WDPCP: variants seen among roughly 807,000 people sequenced by gnomAD.
WDPCP encodes WD repeat-containing and planar cell polarity effector protein fritz homolog.
In WDPCP, 71 loss-of-function variants were observed where a neutral mutation model predicts 93.1. That is an observed-to-expected ratio of 0.76 (90% CI 0.63 to 0.93). The LOEUF (loss-of-function observed/expected upper bound fraction) is 0.93. Ranked by LOEUF, WDPCP falls within the 40% of genes least tolerant of loss-of-function variation. The pLI, the probability that WDPCP is intolerant of heterozygous loss-of-function variation, is 0.00. For synonymous variants in WDPCP, 315 were observed against 315.0 expected, an observed-to-expected ratio of 1.00 and a Z score of 0.00; for missense variants, 844 against 887.4, an observed-to-expected ratio of 0.95 and a Z score of 0.62.
intron 6 of WDPCP, among the ~76,000 whole-genome samples, chr2:63,483,969 G>A (rs944445972): frequency 6.6e-6 from 1 of 151,874 alleles, no homozygotes; most frequent in African/African-American, 2.4e-5. Flanking sequence ...TTGTCCAATA[G>A]AACTGTCTGA....
chr2:63,447,660 C>T (rs938821489), intron 6 of WDPCP, among the ~76,000 whole-genome samples: 5 of 151,734 alleles, frequency 3.3e-5, no homozygotes, highest in Admixed American at 2.0e-4. Flanking sequence ...TCCATATTTA[C>T]TAAAAAGATT....
At chr2:63,134,764 C>T (rs1395511610) in intron 17 of WDPCP, among the ~76,000 whole-genome samples, 1 of 152,026 alleles carries the variant, frequency 6.6e-6, no homozygotes, top group Non-Finnish European at 1.5e-5. Context: ...ATTTTTTCTT[C>T]ATTGTGGCTG....
chr2:63,124,621 T>A (rs992971839), intron 17 of WDPCP, among the ~76,000 whole-genome samples: 6 of 152,208 alleles, frequency 3.9e-5, no homozygotes, highest in Admixed American at 2.6e-4. Flanking sequence ...AGTGATCATC[T>A]CAGTTTATTA....
At chr2:63,777,706 T>G (rs144757829) in intron 2 of WDPCP, among the ~76,000 whole-genome samples, 1,873 of 152,254 alleles carry the variant, frequency 0.012, 17 homozygotes, top group Non-Finnish European at 0.015. Flanking sequence ...AAAATTCTAA[T>G]GAATACAAAC....
intron 17 of WDPCP, among the ~76,000 whole-genome samples, chr2:63,125,866 C>T (rs1669863129): frequency 6.6e-6 from 1 of 151,724 alleles, no homozygotes; most frequent in African/African-American, 2.4e-5. Context: ...CCACCTTGGC[C>T]TCCCAAAGTG....
chr2:63,722,449 TGCCCGGCCGCCCCGTCTGAGAAGTGAGGA>T (rs1471014469), intron 2 of WDPCP, among the ~76,000 whole-genome samples: 1 of 142,756 alleles, frequency 7.0e-6, no homozygotes, highest in Non-Finnish European at 1.5e-5. Context: ...GGAGCATCTC[TGCCCGGCCGCCCCGTCTGAGAAGTGAGGA>T]GCCCCTCCGC....
intron 2 of WDPCP, among the ~76,000 whole-genome samples, chr2:63,774,368 C>T (rs1252975602): frequency 6.6e-6 from 1 of 151,974 alleles, no homozygotes; most frequent in Non-Finnish European, 1.5e-5. Flanking sequence ...TAGAAAATAT[C>T]TTATATCTAA....
chr2:63,788,696 G>T (rs1421454284), intron 2 of WDPCP, among the ~76,000 whole-genome samples: 1 of 152,048 alleles, frequency 6.6e-6, no homozygotes, highest in Non-Finnish European at 1.5e-5. Flanking sequence ...ATAAATCAAA[G>T]AAAAAATATT....
chr2:63,457,277 G>A (rs1409442141), intron 6 of WDPCP, among the ~76,000 whole-genome samples: 1 of 151,866 alleles, frequency 6.6e-6, no homozygotes, highest in East Asian at 1.9e-4. Flanking sequence ...GACTGAATCA[G>A]GAAGAAACAG....
At chr2:63,763,973 T>A (rs1271087696) in intron 2 of WDPCP, among the ~76,000 whole-genome samples, 1 of 152,160 alleles carries the variant, frequency 6.6e-6, no homozygotes, top group Non-Finnish European at 1.5e-5. Flanking sequence ...GTGAGAGGAA[T>A]TCTACAGTTG....
At chr2:63,264,378 G>A (rs1272252647) in intron 13 of WDPCP, among the ~76,000 whole-genome samples, 2 of 152,300 alleles carry the variant, frequency 1.3e-5, no homozygotes, top group Middle Eastern at 3.4e-3. Context: ...GGTGGCTCAC[G>A]CCTGTAATCC....
chr2:63,357,883 A>G (rs1690140017), intron 12 of WDPCP, among the ~76,000 whole-genome samples: 1 of 152,238 alleles, frequency 6.6e-6, no homozygotes, highest in African/African-American at 2.4e-5. Context: ...CAGACTGGAT[A>G]AAGAAAATGT....
chr2:63,215,774 A>G (rs1677277774), intron 14 of WDPCP, among the ~76,000 whole-genome samples: 1 of 152,218 alleles, frequency 6.6e-6, no homozygotes, highest in Non-Finnish European at 1.5e-5. Flanking sequence ...TGAACAGGCA[A>G]CCTACAGAAT....
At chr2:63,303,048 A>G (rs1363697161) in intron 13 of WDPCP, among the ~76,000 whole-genome samples, 2 of 152,220 alleles carry the variant, frequency 1.3e-5, no homozygotes, top group African/African-American at 4.8e-5. Context: ...TAGCCACTTC[A>G]ATAGATGGTA....
chr2:63,707,314 C>T (rs1669174772), intron 2 of WDPCP, among the ~76,000 whole-genome samples: 1 of 152,268 alleles, frequency 6.6e-6, no homozygotes. Flanking sequence ...TTCTTGGAGG[C>T]TTTGTTCATT....
intron 2 of WDPCP, among the ~76,000 whole-genome samples, chr2:63,664,204 A>C (rs532160198): frequency 2.0e-5 from 3 of 152,230 alleles, no homozygotes; most frequent in Admixed American, 6.5e-5. Flanking sequence ...TGTGACCATC[A>C]AAGTTCTTGG....
chr2:63,488,841 T>C (rs1438787479), intron 2 of WDPCP, among the ~76,000 whole-genome samples: 10 of 151,910 alleles, frequency 6.6e-5, no homozygotes, highest in African/African-American at 2.4e-4. Context: ...GAATCCTGAA[T>C]TATGTGCACA....
chr2:63,541,455 C>T (rs1201869711), intron 1 of WDPCP, among the ~76,000 whole-genome samples: 1 of 152,120 alleles, frequency 6.6e-6, no homozygotes, highest in Non-Finnish European at 1.5e-5. Flanking sequence ...GAAAAAGAAG[C>T]ATATTTCAGA....
intron 13 of WDPCP, among the ~76,000 whole-genome samples, chr2:63,289,460 G>T (rs1684243248): frequency 6.6e-6 from 1 of 151,928 alleles, no homozygotes; most frequent in Admixed American, 6.6e-5. Flanking sequence ...TCTTTTTAGA[G>T]AAGTATTATT....
Sources: allele counts gnomAD v4.1 joint callset (sites outside exome capture counted in the v4.1 genomes callset), GRCh38; gene constraint gnomAD v4.1.1; transcripts MANE v1.5; gene names NCBI Gene and HGNC (gene_info 2026-07-23, HGNC 2026-07-21).